The following PTPRD variants were observed in gnomAD, a reference collection of about 807,000 sequenced individuals.
PTPRD encodes the protein receptor-type tyrosine-protein phosphatase delta.
PTPRD carries 34 observed loss-of-function variants against 214.5 expected under a neutral mutation model. The observed-to-expected ratio is 0.16, with a 90% CI of 0.12 to 0.21. PTPRD has a LOEUF of 0.21. PTPRD is among the 10% of genes least tolerant of loss of function. PTPRD has a pLI of 1.00. For synonymous variants in PTPRD, 1,128 were observed against 845.7 expected (o/e 1.33, Z -5.79); for missense variants, 2,545 against 2,398.7 (o/e 1.06, Z -1.27).
Position 8,625,839 on chromosome 9 carries a change from G to T in PTPRD, c.352+7478C>A, listed in dbSNP as rs531309150. ...ATGACAGATAAGAGAGTCTTGAAATGATATGACTATTCCCCGATTGCCCAG... is the reference window on the plus strand; with the variant it reads ...ATGACAGATAAGAGAGTCTTGAAATTATATGACTATTCCCCGATTGCCCAG... On this transcript the variant is annotated intron_variant, in intron 14 of 45. Transcript: ENST00000381196. Among the ~76,000 whole-genome samples, 3 of 150,188 alleles carry T rather than the reference G, an allele frequency of 2.0e-5. No individual in the cohort carries two copies. The East Asian group carries it at 5.9e-4, about 30-fold the overall frequency.
chr9:8,788,419 G>A (rs2154503203), intron 11 of PTPRD, among the ~76,000 whole-genome samples: 1 of 151,922 alleles, frequency 6.6e-6, no homozygotes, highest in East Asian at 1.9e-4. Flanking sequence ...GGGATTACAG[G>A]CATGCACCAC....
rs181546793 is a variant in PTPRD, at chr9:10,232,267, A to G, written c.-545+108696T>C. ...TTCAGGTATTCTGTTACAGCCACAC[A>G]AAACAGACTATGACAGGTTCTTAAT... On this transcript the variant is annotated intron_variant, in intron 3 of 45. Coordinates refer to ENST00000381196, the MANE Select transcript of PTPRD (RefSeq NM_002839.4). Among the ~76,000 whole-genome samples the G allele has an allele frequency of 3.6e-4, 54 of 152,030 alleles. No individual in the cohort carries two copies. The East Asian group carries it at 0.011, about 30-fold the overall frequency.
At position 10,284,105 on chromosome 9, in the gene PTPRD, T is replaced by A. The variant is rs147075090; in HGVS notation, c.-545+56858A>T. On this transcript the variant is annotated intron_variant, in intron 3 of 45. Transcript: ENST00000381196. ...CTGTGATTATTAGAATTACTTACAATTTATTGTTGAGATTGGATTTTTCCT... is the reference window on the plus strand; with the variant it reads ...CTGTGATTATTAGAATTACTTACAAATTATTGTTGAGATTGGATTTTTCCT... Among the ~76,000 whole-genome samples the A allele has an allele frequency of 4.1e-3, 629 of 152,330 alleles. 8 individuals are homozygous for A. Among genetic ancestry groups the A allele is most frequent in the African/African-American group, 0.014 (583 of 41,558 alleles).
At chr9:10,143,241 T>C (rs1187138571) in intron 3 of PTPRD, among the ~76,000 whole-genome samples, 1 of 151,812 alleles carries the variant, frequency 6.6e-6, no homozygotes, top group African/African-American at 2.4e-5. Flanking sequence ...AATCTGCACA[T>C]TGTGCACATG....
chr9:10,384,281 T>A (rs1011552528), intron 2 of PTPRD, among the ~76,000 whole-genome samples: 3 of 151,744 alleles, frequency 2.0e-5, no homozygotes, highest in Non-Finnish European at 2.9e-5. Flanking sequence ...AAATATCTCA[T>A]GTACCCCATA....
rs115818176 is a variant in PTPRD, at chr9:9,760,444, C to T, written c.-326+6366G>A. Among the ~76,000 whole-genome samples the T allele has an allele frequency of 3.4e-3, 516 of 152,150 alleles. 6 individuals are homozygous for T. The highest frequency in any genetic ancestry group is 0.012 in the African/African-American group (490 of 41,510). On this transcript the variant is annotated intron_variant, in intron 6 of 45. Transcript: ENST00000381196. ...GGCTTGATATTTTTGCCCTCCAAGA[C>T]CTGCTCCAATACCTTCTTAACTGTC... is the stretch of plus-strand genomic sequence containing the variant.
chr9:9,366,049 T>C (rs2057798388), intron 9 of PTPRD, among the ~76,000 whole-genome samples: 1 of 151,458 alleles, frequency 6.6e-6, no homozygotes, highest in Admixed American at 6.6e-5. Context: ...ATCAAAGTTC[T>C]GAGGCTACAA....
At chr9:9,251,984 A>G (rs1171654968) in intron 9 of PTPRD, among the ~76,000 whole-genome samples, 4 of 151,848 alleles carry the variant, frequency 2.6e-5, no homozygotes, top group Non-Finnish European at 5.9e-5. Context: ...TGTCTTTACA[A>G]CCTATATACA....
At chr9:9,204,799 T>TA (rs1444522603) in intron 9 of PTPRD, among the ~76,000 whole-genome samples, 1 of 152,190 alleles carries the variant, frequency 6.6e-6, no homozygotes, top group Non-Finnish European at 1.5e-5. Flanking sequence ...TATTGTATAT[T>TA]AAAAATGACC....
rs2071377915 is a variant in PTPRD at position 9,887,433 on chromosome 9, G to A, written c.-368+51074C>T. Among the ~76,000 whole-genome samples, 3 of 152,110 alleles carry A rather than the reference G, an allele frequency of 2.0e-5. No homozygotes were observed. The South Asian group carries it at 6.2e-4, about 32-fold the overall frequency. ...CATATAGTCATGTGTGGCTTAAGAG[G>A]CTGCAATACATATAAAAAAACATGA... On this transcript the variant is annotated intron_variant, in intron 5 of 45. Coordinates refer to ENST00000381196, the MANE Select transcript of PTPRD (RefSeq NM_002839.4).
chr9:9,675,303 T>C (rs1006925549), intron 7 of PTPRD, among the ~76,000 whole-genome samples: 3 of 151,866 alleles, frequency 2.0e-5, no homozygotes, highest in Admixed American at 1.3e-4. Context: ...GAGTAATATA[T>C]ATTCTTAAAT....
intron 4 of PTPRD, among the ~76,000 whole-genome samples, chr9:9,983,030 G>C (rs1452130643): frequency 6.7e-6 from 1 of 149,512 alleles, no homozygotes; most frequent in Admixed American, 6.8e-5. Context: ...ATTCCCTTTA[G>C]TGTAAATCAA....
At chr9:9,556,484 A>C (rs1231781626) in intron 8 of PTPRD, among the ~76,000 whole-genome samples, 1 of 152,194 alleles carries the variant, frequency 6.6e-6, no homozygotes, top group Non-Finnish European at 1.5e-5. Context: ...TATTCATAAC[A>C]GTCATAAATA....
chr9:9,741,139 G>A (rs1015220105), intron 6 of PTPRD, among the ~76,000 whole-genome samples: 2 of 152,146 alleles, frequency 1.3e-5, no homozygotes, highest in African/African-American at 4.8e-5. Flanking sequence ...AAAGTAAAAT[G>A]TAAATGTATT....
chr9:10,011,949 G>T (rs974539558), intron 4 of PTPRD, among the ~76,000 whole-genome samples: 2 of 151,764 alleles, frequency 1.3e-5, no homozygotes, highest in African/African-American at 4.8e-5. Flanking sequence ...TATTGTTTTG[G>T]CCTTTGTATG....
intron 5 of PTPRD, among the ~76,000 whole-genome samples, chr9:9,893,605 C>T (rs1312805036): frequency 1.3e-5 from 2 of 152,054 alleles, no homozygotes; most frequent in African/African-American, 2.4e-5. Context: ...AACCAAGCTT[C>T]TTTTGTTGTT....
intron 7 of PTPRD, among the ~76,000 whole-genome samples, chr9:9,611,915 T>C (rs183897693): frequency 6.6e-6 from 1 of 152,252 alleles, no homozygotes; most frequent in Admixed American, 6.5e-5. Flanking sequence ...CCTGTAGTAA[T>C]TTCATATACA....
At chr9:9,573,906 C>T (rs1055886436) in intron 8 of PTPRD, among the ~76,000 whole-genome samples, 1 of 151,774 alleles carries the variant, frequency 6.6e-6, no homozygotes, top group African/African-American at 2.4e-5. Context: ...TGCAATAATG[C>T]TATATGCCCA....
chr9:9,331,118 A>G (rs1395794433), intron 9 of PTPRD, among the ~76,000 whole-genome samples: 1 of 152,016 alleles, frequency 6.6e-6, no homozygotes, highest in Non-Finnish European at 1.5e-5. Context: ...AGTTTCAAGG[A>G]CTAGCTATTC....
Sources: gnomAD v4.1 joint callset for allele counts (sites outside exome capture counted in the v4.1 genomes callset) on GRCh38, gnomAD v4.1.1 for gene constraint, MANE v1.5 for transcripts, NCBI Gene and HGNC (gene_info 2026-07-23, HGNC 2026-07-21) for gene names.